PPM1H: variants seen among roughly 807,000 people sequenced by gnomAD.
PPM1H encodes the protein protein phosphatase 1H.
Under a neutral mutation model 54.9 loss-of-function variants are expected in PPM1H, and 27 were observed. The ratio of observed to expected loss-of-function variants is 0.49; its 90% confidence interval spans 0.36 to 0.68. The LOEUF is 0.68. PPM1H is among the 30% of genes least tolerant of loss of function. PPM1H has a pLI of 0.00. For synonymous variants in PPM1H, 305 were observed against 270.8 expected, an observed-to-expected ratio of 1.13 and a Z score of -1.24; for missense variants, 596 against 667.8, an observed-to-expected ratio of 0.89 and a Z score of 1.19.
chr12:62,788,255 C>A lies in PPM1H; in HGVS notation c.840G>T (p.Lys280Asn). 1 of 1,599,160 alleles carries A rather than the reference C, an allele frequency of 6.3e-7. No homozygotes were observed. The highest frequency in any genetic ancestry group is 8.5e-7 in the Non-Finnish European group (1 of 1,172,282). ...TALIVICLLG[K>N]LYVANAGDSR... ...TATCCCCAGCATTTGCAACATACAG[C>A]TTCCCCAAAAGGCAAATCACAATGA... is the stretch of plus-strand genomic sequence containing the variant. Residue 280 changes from lysine (K) to asparagine (N), a missense_variant, in exon 4 of 10, where the codon AAG becomes AAT. Lys to Asn is a moderately conservative substitution (Grantham distance 94, BLOSUM62 0). Transcript: ENST00000228705.
chr12:62,765,060 T>C (rs1386318707), intron 4 of PPM1H, among the ~76,000 whole-genome samples: 2 of 152,116 alleles, frequency 1.3e-5, no homozygotes, highest in East Asian at 1.9e-4. Context: ...CTGAAGGGCT[T>C]TGAGAGGAGG....
At chr12:62,751,850 T>C (rs565303312) in intron 4 of PPM1H, among the ~76,000 whole-genome samples, 26 of 152,350 alleles carry the variant, frequency 1.7e-4, no homozygotes, top group African/African-American at 6.0e-4. Context: ...AAATAAGTTA[T>C]ATTACTTCAT....
chr12:62,803,973 G>A (rs1047970434), intron 2 of PPM1H, among the ~76,000 whole-genome samples: 2 of 152,090 alleles, frequency 1.3e-5, no homozygotes, highest in African/African-American at 4.8e-5. Flanking sequence ...GCTCACCATC[G>A]ATACCTTTCA....
At chr12:62,914,684 T>G (rs1871565709) in intron 1 of PPM1H, among the ~76,000 whole-genome samples, 1 of 152,176 alleles carries the variant, frequency 6.6e-6, no homozygotes, top group Non-Finnish European at 1.5e-5. Flanking sequence ...CTGGAAGGTC[T>G]TCCAATGACA....
chr12:62,817,650 C>G (rs2076879306), intron 2 of PPM1H, among the ~76,000 whole-genome samples: 1 of 152,100 alleles, frequency 6.6e-6, no homozygotes, highest in African/African-American at 2.4e-5. Flanking sequence ...GCGAAATATT[C>G]CAAAGGGCTG....
intron 1 of PPM1H, among the ~76,000 whole-genome samples, chr12:62,923,387 A>AT (rs939682553): frequency 6.6e-6 from 1 of 151,562 alleles, no homozygotes; most frequent in Admixed American, 6.6e-5. Flanking sequence ...ACATTTGAAA[A>AT]TTTTTTTTTC....
At chr12:62,899,758 C>A (rs1294252378) in intron 1 of PPM1H, among the ~76,000 whole-genome samples, 1 of 152,154 alleles carries the variant, frequency 6.6e-6, no homozygotes, top group Non-Finnish European at 1.5e-5. Context: ...CAGCCCAACC[C>A]CATACGTTTG....
chr12:62,691,506 AG>A (rs2076082643), intron 7 of PPM1H, among the ~76,000 whole-genome samples: 1 of 152,132 alleles, frequency 6.6e-6, no homozygotes, highest in African/African-American at 2.4e-5. Context: ...CACCTTTTTG[AG>A]GGCAAGGGTC....
chr12:62,738,866 G>A (rs780094456), intron 4 of PPM1H, among the ~76,000 whole-genome samples: 8 of 152,196 alleles, frequency 5.3e-5, no homozygotes, highest in African/African-American at 9.6e-5. Context: ...CCAGTGCAGA[G>A]GCAGTTCCTG....
At chr12:62,711,047 A>G (rs61919553) in intron 6 of PPM1H, among the ~76,000 whole-genome samples, 4,502 of 152,326 alleles carry the variant, frequency 0.03, 113 homozygotes, top group East Asian at 0.14. Flanking sequence ...GCTGGAGTGC[A>G]GTGGTATCAT....
chr12:62,701,022 A>G (rs890842216), intron 6 of PPM1H, among the ~76,000 whole-genome samples: 1 of 152,048 alleles, frequency 6.6e-6, no homozygotes, highest in Admixed American at 6.6e-5. Context: ...TTTAAGTTCT[A>G]TGGGGATAGA....
intron 4 of PPM1H, among the ~76,000 whole-genome samples, chr12:62,752,251 A>G (rs1408288261): frequency 6.6e-6 from 1 of 152,254 alleles, no homozygotes; most frequent in East Asian, 1.9e-4. Context: ...GAATGAATAA[A>G]TTAAACTCAC....
At chr12:62,695,950 G>C (rs2076112910) in intron 6 of PPM1H, among the ~76,000 whole-genome samples, 1 of 152,120 alleles carries the variant, frequency 6.6e-6, no homozygotes. Flanking sequence ...ATGTAGAAAG[G>C]GGCTGGGCCT....
chr12:62,923,233 TAACTC>T (rs1186603464), intron 1 of PPM1H, among the ~76,000 whole-genome samples: 1 of 152,140 alleles, frequency 6.6e-6, no homozygotes, highest in Non-Finnish European at 1.5e-5. Context: ...AGCTTAGAGA[TAACTC>T]AAGAATGGAC....
chr12:62,690,541 C>T (rs2076076923), intron 7 of PPM1H, among the ~76,000 whole-genome samples: 3 of 152,196 alleles, frequency 2.0e-5, no homozygotes, highest in Admixed American at 2.0e-4. Flanking sequence ...AACACTATTA[C>T]ACCAATGCCT....
intron 8 of PPM1H, among the ~76,000 whole-genome samples, chr12:62,682,213 T>C (rs1170208381): frequency 6.6e-6 from 1 of 152,228 alleles, no homozygotes; most frequent in East Asian, 1.9e-4. Flanking sequence ...CTTTCGGCCA[T>C]GCATATATGC....
intron 9 of PPM1H, among the ~76,000 whole-genome samples, chr12:62,652,298 G>A (rs2075820958): frequency 6.6e-6 from 1 of 152,140 alleles, no homozygotes; most frequent in African/African-American, 2.4e-5. Flanking sequence ...CTGTAACCTT[G>A]AAGTCTTGGG....
rs1219196840 is a variant in PPM1H, at chr12:62,645,937, CTGGGTGACA to C, written c.*2543_*2551del. On this transcript the variant is annotated 3_prime_UTR_variant, in exon 10 of 10. Transcript: ENST00000228705. ...TGTAGACACGGTTACTGTTTTAGGA[CTGGGTGACA>C]TGGGGCCTGGGTAAAAAAATAAGGC... 1 of 152,168 alleles carries C rather than the reference CTGGGTGACA, an allele frequency of 6.6e-6. No individual in the cohort carries two copies. The highest frequency in any genetic ancestry group is 2.4e-5 in the African/African-American group (1 of 41,450). The allele number at this position is 152,168 out of a possible 1,614,324, so 9.4% of individuals were successfully genotyped here.
chr12:62,694,042 T>C (rs1177544395), intron 6 of PPM1H, 43 bp from the exon 7 acceptor site: 1 of 1,545,760 alleles, frequency 6.5e-7, no homozygotes, highest in Admixed American at 1.8e-5. Flanking sequence ...TTGCACTCAA[T>C]TAGTGACCTG....
Sources: gnomAD v4.1 joint callset for allele counts (sites outside exome capture counted in the v4.1 genomes callset) on GRCh38, gnomAD v4.1.1 for gene constraint, MANE v1.5 for transcripts, NCBI Gene and HGNC (gene_info 2026-07-23, HGNC 2026-07-21) for gene names.